LMX1A: variants seen among roughly 807,000 people sequenced by gnomAD.
LMX1A encodes the protein LIM homeobox transcription factor 1-alpha.
A neutral mutation model predicts 49.1 loss-of-function variants in LMX1A; 15 were observed. The observed-to-expected ratio is 0.31, with a 90% CI of 0.20 to 0.47. The LOEUF is 0.47. Among genes scored for constraint, LMX1A ranks in the 20% least tolerant of loss-of-function variants. LMX1A has a pLI of 1.00. For missense variants in LMX1A, 372 were observed against 475.8 expected (o/e 0.78, Z 2.03); for synonymous variants, 167 against 185.7 (o/e 0.90, Z 0.82).
intron 3 of LMX1A, among the ~76,000 whole-genome samples, chr1:165,323,136 A>G (rs867072040): frequency 2.6e-5 from 4 of 152,212 alleles, no homozygotes; most frequent in African/African-American, 7.2e-5. Flanking sequence ...CAACTTTTCC[A>G]AGCCTCATTT....
rs575472675 is a variant in LMX1A at position 165,238,463 on chromosome 1, A to G, written c.496+10945T>C. Among the ~76,000 whole-genome samples, 8 of 152,338 alleles carry G rather than the reference A, an allele frequency of 5.3e-5. No individual in the cohort carries two copies. In the South Asian group the frequency reaches 1.7e-3, roughly 32 times the overall value. The stretch of plus-strand genomic sequence containing the variant: ...ACTTTTAAAGTACTTCCTCATTCAT[A>G]TAGCACATTGTCTTTAGATCCTTCA... On this transcript the variant is annotated intron_variant, in intron 4 of 8. Coordinates refer to ENST00000342310, the MANE Select transcript of LMX1A (RefSeq NM_177398.4).
chr1:165,229,454 C>A (rs1652163614), intron 4 of LMX1A, among the ~76,000 whole-genome samples: 1 of 152,126 alleles, frequency 6.6e-6, no homozygotes, highest in South Asian at 2.1e-4. Flanking sequence ...TTTATGACAC[C>A]AAATGAGGCA....
chr1:165,323,437 T>C (rs926545307), intron 3 of LMX1A, among the ~76,000 whole-genome samples: 1 of 152,252 alleles, frequency 6.6e-6, no homozygotes, highest in Non-Finnish European at 1.5e-5. Flanking sequence ...TCACTCATTT[T>C]ACTTAAACAG....
intron 3 of LMX1A, among the ~76,000 whole-genome samples, chr1:165,342,147 T>G (rs1296715966): frequency 1.3e-5 from 2 of 152,244 alleles, no homozygotes; most frequent in East Asian, 3.8e-4. Flanking sequence ...AAACTGGGAT[T>G]CCATTATCAC....
At chr1:165,246,587 T>A (rs1363816931) in intron 4 of LMX1A, among the ~76,000 whole-genome samples, 5 of 152,220 alleles carry the variant, frequency 3.3e-5, no homozygotes, top group African/African-American at 4.8e-5. Flanking sequence ...AAAAATTACT[T>A]CCCTGTACCT....
At chr1:165,288,674 G>C (rs2101712737) in intron 3 of LMX1A, among the ~76,000 whole-genome samples, 1 of 152,352 alleles carries the variant, frequency 6.6e-6, no homozygotes, top group East Asian at 1.9e-4. Flanking sequence ...TCAAACATCT[G>C]TATGAGGTAC....
chr1:165,302,566 C>A (rs1406304320), intron 3 of LMX1A, among the ~76,000 whole-genome samples: 7 of 152,196 alleles, frequency 4.6e-5, no homozygotes, highest in Non-Finnish European at 1.0e-4. Flanking sequence ...CACTCATTCA[C>A]TACCCTTTGC....
chr1:165,277,659 C>T (rs1654010193), intron 3 of LMX1A, among the ~76,000 whole-genome samples: 1 of 152,234 alleles, frequency 6.6e-6, no homozygotes. Context: ...ATCCCCTGCT[C>T]TGTCAGTGCT....
chr1:165,302,209 G>A (rs908052475), intron 3 of LMX1A, among the ~76,000 whole-genome samples: 1 of 151,822 alleles, frequency 6.6e-6, no homozygotes, highest in Non-Finnish European at 1.5e-5. Context: ...AGGCCGGTGG[G>A]GGGCGGGGTG....
chr1:165,264,907 G>A (rs1400661052), intron 3 of LMX1A, among the ~76,000 whole-genome samples: 3 of 151,774 alleles, frequency 2.0e-5, no homozygotes, highest in East Asian at 1.9e-4. Flanking sequence ...ACCCTGCCTC[G>A]AAATAAAAAA....
chr1:165,273,071 AGCTCTAAGT>A (rs1225241868), intron 3 of LMX1A, among the ~76,000 whole-genome samples: 1 of 152,132 alleles, frequency 6.6e-6, no homozygotes, highest in African/African-American at 2.4e-5. Flanking sequence ...AACGGGGAGG[AGCTCTAAGT>A]GCTCTCCTGG....
chr1:165,237,069 C>T (rs1002343254), intron 4 of LMX1A, among the ~76,000 whole-genome samples: 1 of 152,156 alleles, frequency 6.6e-6, no homozygotes, highest in Non-Finnish European at 1.5e-5. Context: ...GCTAGTCAAA[C>T]TTCATACACT....
intron 3 of LMX1A, among the ~76,000 whole-genome samples, chr1:165,259,654 G>A (rs1478974576): frequency 2.6e-5 from 4 of 152,056 alleles, no homozygotes; most frequent in Non-Finnish European, 4.4e-5. Flanking sequence ...AACCAAGGCC[G>A]ATAAAGGGGC....
chr1:165,237,049 GTATT>G (rs1230360063), intron 4 of LMX1A, among the ~76,000 whole-genome samples: 1 of 152,164 alleles, frequency 6.6e-6, no homozygotes, highest in Non-Finnish European at 1.5e-5. Context: ...GTACTCAAAA[GTATT>G]TGCTTGCTAG....
intron 3 of LMX1A, among the ~76,000 whole-genome samples, chr1:165,335,181 T>C (rs919021075): frequency 1.3e-5 from 2 of 152,232 alleles, no homozygotes; most frequent in Admixed American, 1.3e-4. Flanking sequence ...TCTTTTAAGC[T>C]TTCAATATTC....
chr1:165,234,494 C>G (rs1053198348), intron 4 of LMX1A, among the ~76,000 whole-genome samples: 3 of 152,046 alleles, frequency 2.0e-5, no homozygotes, highest in African/African-American at 7.2e-5. Context: ...TTTCTTATCC[C>G]CTGAGGAACC....
intron 3 of LMX1A, among the ~76,000 whole-genome samples, chr1:165,251,870 G>A (rs886618466): frequency 6.6e-6 from 1 of 152,112 alleles, no homozygotes; most frequent in African/African-American, 2.4e-5. Flanking sequence ...GTTATCCGGA[G>A]ATGTCTCAAA....
intron 3 of LMX1A, among the ~76,000 whole-genome samples, chr1:165,305,187 T>C (rs1200792940): frequency 2.6e-5 from 4 of 152,058 alleles, no homozygotes; most frequent in South Asian, 4.2e-4. Context: ...ACATGTGCAG[T>C]TGGACTAGTC....
intron 3 of LMX1A, among the ~76,000 whole-genome samples, chr1:165,330,768 T>A (rs1261831869): frequency 6.6e-6 from 1 of 152,174 alleles, no homozygotes; most frequent in African/African-American, 2.4e-5. Flanking sequence ...GGGCACCGAA[T>A]CTGGGGTAAA....
Sources: gnomAD v4.1 joint callset for allele counts (sites outside exome capture counted in the v4.1 genomes callset) on GRCh38, gnomAD v4.1.1 for gene constraint, MANE v1.5 for transcripts, NCBI Gene and HGNC (gene_info 2026-07-23, HGNC 2026-07-21) for gene names.